The following COG5 variants were observed in gnomAD, a reference collection of about 807,000 sequenced individuals.
The protein encoded by COG5 is component of oligomeric golgi complex 5.
A neutral mutation model predicts 110.4 loss-of-function variants in COG5; 86 were observed. The observed-to-expected ratio is 0.78, with a 90% CI of 0.65 to 0.93. The LOEUF is 0.93. Among genes scored for constraint, COG5 ranks in the 40% least tolerant of loss-of-function variants. The pLI is 0.00. For synonymous variants in COG5, 360 were observed against 334.6 expected (o/e 1.08, Z -0.83); for missense variants, 1,077 against 987.0 (o/e 1.09, Z -1.22).
At chr7:107,210,470 C>T (rs913345275) in intron 21 of COG5, 56 bp downstream of exon 21, 10 of 1,557,060 alleles carry the variant, frequency 6.4e-6, no homozygotes, top group Non-Finnish European at 7.8e-6. Flanking sequence ...CTCTTGCATC[C>T]CCACCCTCCT....
At chr7:107,411,282 T>C (rs35122174) in intron 7 of COG5, among the ~76,000 whole-genome samples, 115 of 152,332 alleles carry the variant, frequency 7.5e-4, no homozygotes, top group Non-Finnish European at 1.2e-3. Flanking sequence ...ATTAATAGAG[T>C]TATCTTTCCT....
intron 14 of COG5, among the ~76,000 whole-genome samples, chr7:107,259,161 C>A (rs1346959065): frequency 6.6e-6 from 1 of 151,890 alleles, no homozygotes; most frequent in Non-Finnish European, 1.5e-5. Context: ...AAATATCAAC[C>A]ATTCTCATAT....
intron 6 of COG5, among the ~76,000 whole-genome samples, chr7:107,433,212 A>T (rs1051527091): frequency 6.6e-6 from 1 of 152,210 alleles, no homozygotes; most frequent in African/African-American, 2.4e-5. Context: ...AATGGAAGAT[A>T]TCCCATGATT....
At chr7:107,345,749 A>C (rs1323777379) in intron 10 of COG5, among the ~76,000 whole-genome samples, 2 of 152,238 alleles carry the variant, frequency 1.3e-5, no homozygotes, top group African/African-American at 2.4e-5. Context: ...TTCTTTTATC[A>C]CAATTAAAAA....
chr7:107,274,630 C>A (rs562730094), intron 14 of COG5, among the ~76,000 whole-genome samples: 1 of 152,036 alleles, frequency 6.6e-6, no homozygotes, highest in Non-Finnish European at 1.5e-5. Context: ...GTGAGTAAAC[C>A]CAGCCAACCT....
intron 21 of COG5, chr7:107,210,271 T>C: frequency 1.4e-6 from 2 of 1,381,714 alleles, no homozygotes; most frequent in Non-Finnish European, 1.9e-6. Context: ...TGCATGGTCC[T>C]TAGGGTTGCA....
At chr7:107,402,076 A>T (rs1791476638) in intron 7 of COG5, among the ~76,000 whole-genome samples, 1 of 152,178 alleles carries the variant, frequency 6.6e-6, no homozygotes, top group Non-Finnish European at 1.5e-5. Context: ...TGTATACTAT[A>T]TAGATATTTA....
chr7:107,542,116 G>C (rs1802084340), intron 5 of COG5, among the ~76,000 whole-genome samples: 1 of 152,040 alleles, frequency 6.6e-6, no homozygotes, highest in Admixed American at 6.6e-5. Flanking sequence ...TCAGGGTAGA[G>C]AAAGTTATCT....
intron 13 of COG5, among the ~76,000 whole-genome samples, chr7:107,283,206 A>T (rs1222369293): frequency 6.6e-6 from 1 of 152,040 alleles, no homozygotes; most frequent in Non-Finnish European, 1.5e-5. Flanking sequence ...AGTTTAGGAT[A>T]AAAAAAAGTT....
rs1798611754 is a variant in COG5 at position 107,501,237 on chromosome 7, AAT to A, written c.538+25998_538+25999del. On this transcript the variant is annotated intron_variant, in intron 6 of 21. Coordinates refer to ENST00000297135, the MANE Select transcript of COG5 (RefSeq NM_006348.5). ...TTTTTTTCAAATTAATATTATTAGT[AAT>A]ATATACTAGAAGGGAAAAGAACTTG... Among the ~76,000 whole-genome samples, 3 of 152,148 alleles carry A rather than the reference AAT, an allele frequency of 2.0e-5. No homozygotes were observed. In the South Asian group the frequency reaches 6.2e-4, roughly 32 times the overall value.
intron 6 of COG5, among the ~76,000 whole-genome samples, chr7:107,463,172 A>C (rs1263053342): frequency 6.6e-6 from 1 of 152,240 alleles, no homozygotes; most frequent in Non-Finnish European, 1.5e-5. Context: ...TCAGGTGGCA[A>C]AGTGAGAAAT....
intron 15 of COG5, 27 bp from the exon 16 acceptor site, chr7:107,256,821 A>G: frequency 6.4e-7 from 1 of 1,556,420 alleles, no homozygotes; most frequent in Non-Finnish European, 8.9e-7. Context: ...ATCCAGTTAT[A>G]GTTTCGCTTA....
chr7:107,245,559 A>G (rs1801990511), intron 17 of COG5, among the ~76,000 whole-genome samples: 1 of 152,234 alleles, frequency 6.6e-6, no homozygotes, highest in Admixed American at 6.5e-5. Flanking sequence ...TAGCATTCCT[A>G]TACATCACCA....
At chr7:107,276,141 T>C (rs188660812) in intron 14 of COG5, among the ~76,000 whole-genome samples, 150 of 152,270 alleles carry the variant, frequency 9.9e-4, no homozygotes, top group African/African-American at 3.4e-3. Context: ...GTTCATAACA[T>C]TTGCCATTTA....
chr7:107,258,272 C>A lies in COG5; in HGVS notation c.1686+1G>T. ...AAAAAAAAACTTAATAAAATAGTTA[C>A]CTTTGTTACTGATTGGTGCAACTTA... On this transcript the variant is annotated splice_donor_variant, in intron 15 of 21. Transcript: ENST00000297135. LOFTEE classifies it high-confidence loss of function. 1 of 1,565,656 alleles carries A rather than the reference C, an allele frequency of 6.4e-7. No individual in the cohort carries two copies. Among genetic ancestry groups the A allele is most frequent in the South Asian group, 1.1e-5 (1 of 89,982 alleles).
intron 7 of COG5, among the ~76,000 whole-genome samples, chr7:107,401,592 AT>A (rs1437079892): frequency 6.6e-6 from 1 of 152,162 alleles, no homozygotes; most frequent in African/African-American, 2.4e-5. Flanking sequence ...TACTACATTC[AT>A]TCTTTCAAGT....
intron 13 of COG5, among the ~76,000 whole-genome samples, chr7:107,283,204 A>AT (rs1471588060): frequency 7.9e-5 from 12 of 152,194 alleles, no homozygotes; most frequent in African/African-American, 2.2e-4. Flanking sequence ...GGAGTTTAGG[A>AT]TAAAAAAAAG....
chr7:107,370,164 A>G (rs1189442606), intron 8 of COG5, among the ~76,000 whole-genome samples: 2 of 152,012 alleles, frequency 1.3e-5, no homozygotes, highest in Non-Finnish European at 2.9e-5. Flanking sequence ...GAGATCATGC[A>G]CCATCACACT....
At chr7:107,518,456 T>C (rs994109218) in intron 6 of COG5, among the ~76,000 whole-genome samples, 2 of 151,866 alleles carry the variant, frequency 1.3e-5, no homozygotes, top group East Asian at 1.9e-4. Context: ...AATAAGAGGA[T>C]AGATGAAAAT....
Sources: gnomAD v4.1 joint callset for allele counts (sites outside exome capture counted in the v4.1 genomes callset) on GRCh38, gnomAD v4.1.1 for gene constraint, MANE v1.5 for transcripts, NCBI Gene and HGNC (gene_info 2026-07-23, HGNC 2026-07-21) for gene names.